CEP250: variants seen among roughly 807,000 people sequenced by gnomAD.
CEP250 encodes the protein centrosome-associated protein CEP250.
A neutral mutation model predicts 315.7 loss-of-function variants in CEP250; 242 were observed. That is an observed-to-expected ratio of 0.77 (90% CI 0.69 to 0.85). CEP250 has a LOEUF of 0.85. Among genes scored for constraint, CEP250 ranks in the 40% least tolerant of loss-of-function variants. The pLI is 0.00. For synonymous variants in CEP250, 1,088 were observed against 1,175.0 expected, an observed-to-expected ratio of 0.93 and a Z score of 1.51; for missense variants, 2,515 against 2,886.4, an observed-to-expected ratio of 0.87 and a Z score of 2.95.
intron 20 of CEP250, among the ~76,000 whole-genome samples, chr20:35,485,786 C>T (rs1398123594): frequency 6.9e-6 from 1 of 145,910 alleles, no homozygotes; most frequent in Non-Finnish European, 1.5e-5. Flanking sequence ...TCCTGAGTAG[C>T]TGGGACCACA....
chr20:35,505,039 A>AC, intron 30 of CEP250, 34 bp downstream of exon 30: 1 of 1,533,254 alleles, frequency 6.5e-7, no homozygotes, highest in Non-Finnish European at 8.8e-7. Context: ...GGGCCAGGGG[A>AC]CACACCCCTG....
Position 35,504,459 on chromosome 20 carries a change from T to C in CEP250, c.6090T>C (p.Asp2030=), listed in dbSNP as rs2064123663. The change falls in exon 30 of 35, where the codon GAT becomes GAC. Residue 2030 remains aspartate, a synonymous_variant. Coordinates refer to ENST00000397527, the MANE Select transcript of CEP250 (RefSeq NM_007186.6). The part of the protein sequence containing the change: ...RIQEGEIQDQ[D]LRYQEDVQQL... ...AAGAAGGTGAGATCCAGGACCAGGA[T>C]CTCCGATACCAGGAGGATGTGCAGC... 1.9e-6 allele frequency: 3 copies of C among 1,612,606 alleles called. No homozygotes were observed. The highest frequency in any genetic ancestry group is 2.5e-6 in the Non-Finnish European group (3 of 1,179,470).
At chr20:35,497,659 A>C in intron 25 of CEP250, 60 bp from the exon 26 acceptor site, 49 of 1,171,056 alleles carry the variant, frequency 4.2e-5, no homozygotes, top group Non-Finnish European at 5.1e-5. Context: ...CTGGCCTGGG[A>C]AGGCCTGAGG....
At chr20:35,467,218 C>T in intron 8 of CEP250, 86 bp from the exon 9 acceptor site, 1 of 1,516,376 alleles carries the variant, frequency 6.6e-7, no homozygotes, top group South Asian at 1.2e-5. Context: ...TTTCCCAGCC[C>T]TGCTCCTCAG....
At chr20:35,488,329 G>A (rs1015793710) in intron 20 of CEP250, among the ~76,000 whole-genome samples, 3 of 152,096 alleles carry the variant, frequency 2.0e-5, no homozygotes, top group Non-Finnish European at 2.9e-5. Context: ...AGCTATACCC[G>A]CTGTCTTTGG....
chr20:35,501,440 T>C (rs1054023504), intron 28 of CEP250, among the ~76,000 whole-genome samples: 5 of 152,154 alleles, frequency 3.3e-5, no homozygotes, highest in African/African-American at 1.2e-4. Flanking sequence ...CCAACGCCTG[T>C]TGCAGAAATG....
chr20:35,496,472 T>G, intron 24 of CEP250, 105 bp from the exon 25 acceptor site: 1 of 967,444 alleles, frequency 1.0e-6, no homozygotes, highest in Non-Finnish European at 1.5e-6. Flanking sequence ...TTATCATTAC[T>G]ATTTCTATTT....
At chr20:35,466,392 C>T (rs182767342) in intron 7 of CEP250, among the ~76,000 whole-genome samples, 188 bp downstream of exon 7, 1 of 152,322 alleles carries the variant, frequency 6.6e-6, no homozygotes. Flanking sequence ...CTTAGACCTG[C>T]CACTACCCGC....
At chr20:35,511,170 A>C (rs893224608) in intron 34 of CEP250, among the ~76,000 whole-genome samples, 193 bp from the exon 35 acceptor site, 1 of 152,158 alleles carries the variant, frequency 6.6e-6, no homozygotes, top group African/African-American at 2.4e-5. Context: ...CAGGATTGAG[A>C]ATCACTGGAT....
rs971018310 is a variant in CEP250 at position 35,501,706 on chromosome 20, A to G, written c.3899-139A>G. On this transcript the variant is annotated intron_variant, in intron 28 of 34. Coordinates refer to ENST00000397527, the MANE Select transcript of CEP250 (RefSeq NM_007186.6). Reference sequence around the variant, plus strand: ...TTGATGTCCTTGATATCTCTAGGACACTGGATATAATTTTCTCCTTCTTGG... The same window carrying G: ...TTGATGTCCTTGATATCTCTAGGACGCTGGATATAATTTTCTCCTTCTTGG... The G allele has an allele frequency of 4.4e-6, 4 of 917,030 alleles. No individual in the cohort carries two copies. The African/African-American group carries it at 5.1e-5, about 12-fold the overall frequency. The allele number at this position is 917,030 out of a possible 1,614,324, so 56.8% of individuals were successfully genotyped here.
intron 3 of CEP250, among the ~76,000 whole-genome samples, chr20:35,460,496 G>T (rs1273931960): frequency 5.9e-5 from 9 of 152,202 alleles, no homozygotes. Context: ...TCTAAAGGGG[G>T]CAGGCACTAT....
intron 20 of CEP250, among the ~76,000 whole-genome samples, chr20:35,487,849 C>T (rs954836785): frequency 1.3e-5 from 2 of 152,220 alleles, no homozygotes; most frequent in Admixed American, 1.3e-4. Flanking sequence ...GCCCAAACTC[C>T]TAACCATTTC....
rs763548521 is a variant in CEP250, at chr20:35,504,480, G to A, written c.6111G>A (p.Val2037=). Residue 2037 remains valine, a synonymous_variant, in exon 30 of 35, where the codon GTG becomes GTA. Coordinates refer to ENST00000397527, the MANE Select transcript of CEP250 (RefSeq NM_007186.6). ...QDQDLRYQED[V]QQLQQALAQR... ...AGGATCTCCGATACCAGGAGGATGTGCAGCAGCTGCAGCAGGCACTTGCCC... is the reference window on the plus strand; with the variant it reads ...AGGATCTCCGATACCAGGAGGATGTACAGCAGCTGCAGCAGGCACTTGCCC... 4 of 1,613,482 alleles carry A rather than the reference G, an allele frequency of 2.5e-6. No homozygotes were observed. In the Admixed American group the frequency reaches 6.7e-5, roughly 27 times the overall value.
chr20:35,492,554 C>A (rs931641655), intron 22 of CEP250, among the ~76,000 whole-genome samples: 10 of 152,148 alleles, frequency 6.6e-5, no homozygotes, highest in African/African-American at 2.2e-4. Context: ...ACACCTGTCG[C>A]AAGGGCCCTG....
chr20:35,457,829 C>T (rs1365468740), intron 1 of CEP250, among the ~76,000 whole-genome samples: 1 of 151,988 alleles, frequency 6.6e-6, no homozygotes. Flanking sequence ...GATGAGATTA[C>T]CTTGGAAATT....
chr20:35,460,569 C>T (rs899030278), intron 3 of CEP250, among the ~76,000 whole-genome samples: 12 of 152,202 alleles, frequency 7.9e-5, no homozygotes, highest in East Asian at 1.9e-4. Context: ...GCACGGAGCG[C>T]GTGCCCTGTC....
Position 35,490,741 on chromosome 20 carries a change from A to G in CEP250, c.2691A>G (p.Glu897=), listed in dbSNP as rs772570141. The change falls in exon 21 of 35, where the codon GAA becomes GAG. Residue 897 remains glutamate (E), a synonymous_variant. Transcript: ENST00000397527. ...LEMRLKEQQT[E]MEAIQAQREE... ...TGAGGCTAAAGGAGCAGCAGACAGA[A>G]ATGGAGGCCATCCAGGCCCAGAGGG... 2.2e-5 allele frequency: 35 copies of G among 1,613,830 alleles called. 1 individual carries two copies. The Admixed American group carries it at 5.7e-4, about 26-fold the overall frequency.
Position 35,514,547 on chromosome 20 carries a change from G to A in CEP250, c.*2921G>A, listed in dbSNP as rs1235268360. On this transcript the variant is annotated 3_prime_UTR_variant, in exon 35 of 35. Transcript: ENST00000397527. The stretch of plus-strand genomic sequence containing the variant: ...CTCAAGGATCCCACGTGCTTTGTGT[G>A]TTAGAGCAGTGACCATCACCTCCCA... 1 of 152,308 alleles carries A rather than the reference G, an allele frequency of 6.6e-6. No homozygotes were observed. The highest frequency in any genetic ancestry group is 2.4e-5 in the African/African-American group (1 of 41,462). 9.4% of individuals were successfully genotyped at this position (152,308 alleles called of 1,614,324 possible). A position where few individuals can be genotyped will look rare whatever the true frequency, so the allele number is the denominator to read the frequency against.
At chr20:35,462,867 T>C (rs918698034) in intron 4 of CEP250, among the ~76,000 whole-genome samples, 2 of 152,110 alleles carry the variant, frequency 1.3e-5, no homozygotes, top group Admixed American at 6.5e-5. Context: ...GCTCAGGCAG[T>C]CCTCCTGCCT....
Sources: gnomAD v4.1 joint callset for allele counts (sites outside exome capture counted in the v4.1 genomes callset) on GRCh38, gnomAD v4.1.1 for gene constraint, MANE v1.5 for transcripts, NCBI Gene and HGNC (gene_info 2026-07-23, HGNC 2026-07-21) for gene names.